Variants in ISLR2 observed in about 807,000 individuals in gnomAD.
ISLR2 encodes immunoglobulin superfamily containing leucine rich repeat 2.
Under a neutral mutation model 25.5 loss-of-function variants are expected in ISLR2, and 16 were observed. The observed-to-expected ratio is 0.63, with a 90% CI of 0.43 to 0.95. The LOEUF (loss-of-function observed/expected upper bound fraction) is 0.95. ISLR2 is among the 40% of genes least tolerant of loss of function. ISLR2 has a pLI of 0.00. For synonymous variants in ISLR2, 508 were observed against 486.6 expected (o/e 1.04, Z -0.58); for missense variants, 883 against 1,030.7 (o/e 0.86, Z 1.96).
intron 2 of ISLR2, among the ~76,000 whole-genome samples, chr15:74,118,193 G>A (rs2072225715): frequency 6.6e-6 from 1 of 152,160 alleles, no homozygotes; most frequent in Non-Finnish European, 1.5e-5. Context: ...GACATCACAT[G>A]TCAGCAGGTT....
At chr15:74,125,220 T>C (rs905858660), upstream of ISLR2, among the ~76,000 whole-genome samples, 3 of 151,948 alleles carry the variant, frequency 2.0e-5, no homozygotes, top group African/African-American at 7.3e-5. Context: ...GGTGTTTTTT[T>C]GTTTTGTTTT....
upstream of ISLR2, chr15:74,129,165 A>T: frequency 2.4e-6 from 1 of 415,222 alleles, no homozygotes. This position sits in a 1 kb window ranked among gnomAD's most constrained non-coding sequence, Gnocchi z 4.5. Context: ...GCTGAGCAAG[A>T]TGCGATGGTC....
chr15:74,106,777 T>A lies in ISLR2; in HGVS notation n.228+2863T>A, dbSNP rs1454575294. Among the ~76,000 whole-genome samples, 4 of 152,120 alleles carry A rather than the reference T, an allele frequency of 2.6e-5. No homozygotes were observed. In the East Asian group the frequency reaches 7.7e-4, roughly 29 times the overall value. ...CCACCTGGGGGCCCGGACACCCCTCTGCATCTACTAGGCTGGGAAACACAT... is the reference window on the plus strand; with the variant it reads ...CCACCTGGGGGCCCGGACACCCCTCAGCATCTACTAGGCTGGGAAACACAT... On this transcript the variant is annotated intron_variant and non_coding_transcript_variant, in intron 2 of 3. Transcript: ENST00000561975.
intron 2 of ISLR2, among the ~76,000 whole-genome samples, chr15:74,118,130 A>G (rs948710074): frequency 1.3e-5 from 2 of 152,218 alleles, no homozygotes; most frequent in Non-Finnish European, 2.9e-5. Context: ...GGTCTGAGAA[A>G]TAAAGGGAAA....
chr15:74,128,986 T>C, upstream of ISLR2: 1 of 455,870 alleles, frequency 2.2e-6, no homozygotes, highest in South Asian at 1.5e-5. Context: ...GACCCAATCC[T>C]GGCTGTCCCA....
intron 2 of ISLR2, among the ~76,000 whole-genome samples, chr15:74,118,558 T>G (rs2072228916): frequency 6.6e-6 from 1 of 152,096 alleles, no homozygotes; most frequent in South Asian, 2.1e-4. Flanking sequence ...TCACTAGGCA[T>G]TTGATAGATT....
rs1328665085 is a variant in ISLR2 at position 74,133,780 on chromosome 15, G to A, written c.1026G>A (p.Val342=). Residue 342 remains valine (V), a synonymous_variant, in exon 3 of 3, where the codon GTG becomes GTA. Transcript: ENST00000453268. The stretch of plus-strand genomic sequence containing the variant: ...CCCTCGCAAATGGCTCCCTGTTGGT[G>A]CCCCTCCTGAGTGCCAAGGAGGCGG... ...FLALANGSLL[V]PLLSAKEAGV... The A allele has an allele frequency of 1.9e-6, 3 of 1,613,818 alleles. No individual in the cohort carries two copies. The highest frequency in any genetic ancestry group is 2.5e-6 in the Non-Finnish European group (3 of 1,179,924).
At chr15:74,116,330 A>G (rs1218218700) in intron 2 of ISLR2, among the ~76,000 whole-genome samples, 1 of 151,304 alleles carries the variant, frequency 6.6e-6, no homozygotes, top group Non-Finnish European at 1.5e-5. Flanking sequence ...TTGGGAGGCC[A>G]AGGCAGGAGG....
Position 74,133,148 on chromosome 15 carries a change from C to T in ISLR2, c.394C>T (p.His132Tyr). ...LSALQLLKMNHNRLGSLPRDA... is the reference protein window; with the variant it reads ...LSALQLLKMNYNRLGSLPRDA... ...CGCGCTGCAGCTGCTCAAAATGAAC[C>T]ACAACCGCCTGGGCTCTCTGCCCCG... The change falls in exon 3 of 3, where the codon CAC becomes TAC. Residue 132 changes from histidine to tyrosine, a missense_variant. His to Tyr is a moderately conservative substitution (Grantham distance 83). Transcript: ENST00000453268. 1 of 1,613,066 alleles carries T rather than the reference C, an allele frequency of 6.2e-7. No individual in the cohort carries two copies. The highest frequency in any genetic ancestry group is 8.5e-7 in the Non-Finnish European group (1 of 1,179,964).
chr15:74,124,874 G>T (rs1482832227), upstream of ISLR2, among the ~76,000 whole-genome samples: 1 of 152,232 alleles, frequency 6.6e-6, no homozygotes, highest in African/African-American at 2.4e-5. Context: ...CCCTATTAAG[G>T]GTGGCAGAGG....
chr15:74,104,139 T>C (rs1441276564), intron 2 of ISLR2, among the ~76,000 whole-genome samples: 4 of 152,220 alleles, frequency 2.6e-5, no homozygotes, highest in Non-Finnish European at 5.9e-5. Flanking sequence ...ATTACCATGA[T>C]CTAACATTGT....
rs572941104 is a variant in ISLR2 at position 74,117,471 on chromosome 15, A to T, written n.228+13557A>T. 1.3e-3 allele frequency among the ~76,000 whole-genome samples: 194 copies of T among 152,228 alleles called. 1 individual carries two copies. The highest frequency in any genetic ancestry group is 1.7e-3 in the Non-Finnish European group (117 of 68,006). ...TGCAGCAGGAGGATTGCTTGAGCTC[A>T]GGAGTTTGAGTCCAGTCTAGGCAAC... On this transcript the variant is annotated intron_variant and non_coding_transcript_variant, in intron 2 of 3. Coordinates refer to the ISLR2 transcript ENST00000561975.
chr15:74,139,436 A>T (rs1174406730), downstream of ISLR2, among the ~76,000 whole-genome samples: 1 of 152,016 alleles, frequency 6.6e-6, no homozygotes, highest in Non-Finnish European at 1.5e-5. Flanking sequence ...CCTCTCCCTC[A>T]TTCCTCTCTG....
intron 2 of ISLR2, among the ~76,000 whole-genome samples, chr15:74,108,043 G>A (rs1370265143): frequency 6.6e-6 from 1 of 152,204 alleles, no homozygotes; most frequent in Non-Finnish European, 1.5e-5. Flanking sequence ...CCAGAGGTTG[G>A]AGCTGGGAGG....
At chr15:74,113,817 C>T (rs1440477889) in intron 2 of ISLR2, among the ~76,000 whole-genome samples, 1 of 152,212 alleles carries the variant, frequency 6.6e-6, no homozygotes, top group Non-Finnish European at 1.5e-5. Flanking sequence ...AGCCAGAATT[C>T]AGATGTGTTT....
At chr15:74,106,257 C>A (rs1244116151) in intron 2 of ISLR2, among the ~76,000 whole-genome samples, 1 of 152,098 alleles carries the variant, frequency 6.6e-6, no homozygotes, top group Non-Finnish European at 1.5e-5. Flanking sequence ...ACTGGTGAGG[C>A]CTTACTCAGG....
chr15:74,118,022 A>C (rs2072224329), intron 2 of ISLR2, among the ~76,000 whole-genome samples: 1 of 152,242 alleles, frequency 6.6e-6, no homozygotes, highest in South Asian at 2.1e-4. Flanking sequence ...GTCTGCTGGC[A>C]TATAATGAAC....
intron 2 of ISLR2, among the ~76,000 whole-genome samples, chr15:74,120,618 C>T (rs897465776): frequency 3.3e-5 from 5 of 151,130 alleles, no homozygotes; most frequent in East Asian, 3.9e-4. Context: ...CTCATAGAGT[C>T]GGCTTGGGAA....
chr15:74,124,553 G>A (rs1208457595), upstream of ISLR2, among the ~76,000 whole-genome samples: 4 of 152,148 alleles, frequency 2.6e-5, no homozygotes, highest in African/African-American at 9.7e-5. Context: ...GAGGTCAAGA[G>A]TTTGAGACCA....
Sources: gnomAD v4.1 joint callset for allele counts (sites outside exome capture counted in the v4.1 genomes callset) on GRCh38, gnomAD v4.1.1 for gene constraint, Gnocchi (gnomAD v3.1) non-coding constraint, MANE v1.5 for transcripts, NCBI Gene and HGNC (gene_info 2026-07-23, HGNC 2026-07-21) for gene names.